The following KLF12 variants were observed in gnomAD, a reference collection of about 807,000 sequenced individuals.
KLF12 encodes Krueppel-like factor 12.
In KLF12, 9 loss-of-function variants were observed where a neutral mutation model predicts 37.8. The observed-to-expected ratio is 0.24, with a 90% CI of 0.14 to 0.42. KLF12 has a LOEUF of 0.42. Ranked by LOEUF, KLF12 falls within the 10% of genes least tolerant of loss-of-function variation. The pLI, the probability that KLF12 is intolerant of heterozygous loss-of-function variation, is 1.00. For missense variants in KLF12, 411 were observed against 516.0 expected (o/e 0.80, Z 1.97); for synonymous variants, 208 against 202.1 (o/e 1.03, Z -0.25).
intron 1 of KLF12, among the ~76,000 whole-genome samples, chr13:74,119,773 G>A (rs1023992853): frequency 3.9e-5 from 6 of 151,946 alleles, no homozygotes; most frequent in Non-Finnish European, 8.8e-5. Context: ...GAGAAGGGAG[G>A]GAGAGCAATA....
intron 3 of KLF12, among the ~76,000 whole-genome samples, chr13:73,915,038 C>G (rs1888750626): frequency 6.6e-6 from 1 of 152,186 alleles, no homozygotes; most frequent in African/African-American, 2.4e-5. Context: ...AGGGAGGCAT[C>G]TGCAGGGCTG....
the KLF12 span, among the ~76,000 whole-genome samples, chr13:74,287,349 T>TGTGAGAGAGAGAGA: frequency 5.6e-5 from 4 of 71,866 alleles, no homozygotes. Flanking sequence ...CTATCAAAGT[T>TGTGAGAGAGAGAGA]GAGAGAGAGA....
At chr13:73,764,825 A>G (rs1011919947) in intron 6 of KLF12, 113 bp downstream of exon 6, 6 of 603,866 alleles carry the variant, frequency 9.9e-6, no homozygotes, top group Non-Finnish European at 1.8e-5. Context: ...TAGTCCAGTT[A>G]GCAGGTATGT....
intron 5 of KLF12, among the ~76,000 whole-genome samples, chr13:73,776,839 A>T (rs1485088774): frequency 6.6e-6 from 1 of 152,178 alleles, no homozygotes; most frequent in Non-Finnish European, 1.5e-5. Flanking sequence ...TACCATTGTG[A>T]TTTTAAAAAA....
At chr13:73,913,098 A>G (rs184495253) in intron 3 of KLF12, among the ~76,000 whole-genome samples, 3 of 152,298 alleles carry the variant, frequency 2.0e-5, no homozygotes, top group Admixed American at 1.3e-4. Context: ...CCACTAGAAC[A>G]CTAGCTCCTG....
intron 1 of KLF12, among the ~76,000 whole-genome samples, chr13:74,041,995 T>C (rs1290984944): frequency 6.6e-6 from 1 of 152,188 alleles, no homozygotes; most frequent in African/African-American, 2.4e-5. Context: ...AGTTTAGTCA[T>C]AACTTCAGTA....
At chr13:74,245,309 C>G in the KLF12 span, among the ~76,000 whole-genome samples, 18 of 145,728 alleles carry the variant, frequency 1.2e-4, no homozygotes, top group African/African-American at 4.1e-4. Context: ...ATCTATCTAT[C>G]TATCTATCTA....
At chr13:74,101,291 CTTT>C (rs1242902291) in intron 1 of KLF12, among the ~76,000 whole-genome samples, 1 of 152,160 alleles carries the variant, frequency 6.6e-6, no homozygotes, top group African/African-American at 2.4e-5. Context: ...TCAAGCACTT[CTTT>C]GAGTTTCCTA....
intron 1 of KLF12, among the ~76,000 whole-genome samples, chr13:74,111,152 C>CA (rs111753857): frequency 0.037 from 3,465 of 94,648 alleles, 69 homozygotes; most frequent in African/African-American, 0.083. Context: ...GACTATGTCT[C>CA]AAAAAAAAAA....
intron 1 of KLF12, among the ~76,000 whole-genome samples, chr13:74,106,091 T>C (rs1017713134): frequency 2.6e-5 from 4 of 152,208 alleles, no homozygotes; most frequent in Admixed American, 6.5e-5. Flanking sequence ...GCACTGTGAC[T>C]GTCCTCAAGA....
At chr13:73,964,669 A>AC (rs923071202) in intron 2 of KLF12, among the ~76,000 whole-genome samples, 3 of 149,986 alleles carry the variant, frequency 2.0e-5, no homozygotes, top group Non-Finnish European at 3.0e-5. Flanking sequence ...AGCTTTTTGG[A>AC]CCCCCCAATT....
intron 6 of KLF12, among the ~76,000 whole-genome samples, chr13:73,724,331 T>C (rs550324644): frequency 2.0e-5 from 3 of 152,010 alleles, no homozygotes; most frequent in South Asian, 4.2e-4. Flanking sequence ...TAAGTGGGAG[T>C]TGAACAATGA....
At chr13:74,248,579 G>A in the KLF12 span, among the ~76,000 whole-genome samples, 2 of 152,128 alleles carry the variant, frequency 1.3e-5, no homozygotes, top group African/African-American at 4.8e-5. Context: ...TATTTGGGGA[G>A]TTATAGAACT....
intron 3 of KLF12, among the ~76,000 whole-genome samples, chr13:73,917,422 C>T (rs1422361726): frequency 6.6e-6 from 1 of 152,204 alleles, no homozygotes; most frequent in Non-Finnish European, 1.5e-5. Context: ...TCACCCTATG[C>T]TTAGAAATCT....
chr13:74,293,380 G>A, the KLF12 span, among the ~76,000 whole-genome samples: 2 of 151,984 alleles, frequency 1.3e-5, no homozygotes, highest in Non-Finnish European at 2.9e-5. Flanking sequence ...CGAATTTTTG[G>A]GTACAATCGA....
Position 73,693,455 on chromosome 13 carries a change from A to T in KLF12, c.*2035T>A, listed in dbSNP as rs1873931637. 1 of 152,200 alleles carries T rather than the reference A, an allele frequency of 6.6e-6. No homozygotes were observed. The highest frequency in any genetic ancestry group is 1.5e-5 in the Non-Finnish European group (1 of 68,038). The allele number at this position is 152,200 out of a possible 1,614,324, so 9.4% of individuals were successfully genotyped here. On this transcript the variant is annotated 3_prime_UTR_variant, in exon 8 of 8. Transcript: ENST00000377669. ...TTTTGAGACCTGGCAGACAATATAG[A>T]GCACATATTTGTGAAGCCATAATTT...
chr13:73,734,816 T>A (rs1877330658), intron 6 of KLF12, among the ~76,000 whole-genome samples: 1 of 152,144 alleles, frequency 6.6e-6, no homozygotes, highest in South Asian at 2.1e-4. Flanking sequence ...ATAAGAAAAC[T>A]AAGGCTCACG....
At chr13:73,930,298 ACT>A (rs1313465245) in intron 3 of KLF12, among the ~76,000 whole-genome samples, 11 of 152,038 alleles carry the variant, frequency 7.2e-5, no homozygotes, top group Admixed American at 7.2e-4. Context: ...TATTAAATAA[ACT>A]CTATTAAATA....
intron 3 of KLF12, among the ~76,000 whole-genome samples, chr13:73,915,459 T>C (rs1163740727): frequency 2.0e-5 from 3 of 151,952 alleles, no homozygotes; most frequent in African/African-American, 7.3e-5. Flanking sequence ...CACAAGACGT[T>C]ACACCCTTTC....
Sources: allele counts gnomAD v4.1 joint callset (sites outside exome capture counted in the v4.1 genomes callset), GRCh38; gene constraint gnomAD v4.1.1; transcripts MANE v1.5; gene names NCBI Gene and HGNC (gene_info 2026-07-23, HGNC 2026-07-21).